The following ASB7 variants were observed in gnomAD, a reference collection of about 807,000 sequenced individuals.
ASB7 encodes ankyrin repeat and SOCS box containing 7.
In ASB7, 4 loss-of-function variants were observed where a neutral mutation model predicts 32.5. The ratio of observed to expected loss-of-function variants is 0.12; its 90% CI spans 0.06 to 0.28. The LOEUF (loss-of-function observed/expected upper bound fraction) is 0.28. Among genes scored for constraint, ASB7 ranks in the 10% least tolerant of loss-of-function variants. The pLI is 1.00. For synonymous variants in ASB7, 172 were observed against 155.6 expected, an observed-to-expected ratio of 1.11 and a Z score of -0.78; for missense variants, 181 against 407.1, an observed-to-expected ratio of 0.44 and a Z score of 4.78.
intron 3 of ASB7, 32 bp downstream of exon 3, chr15:100,609,860 G>A (rs1438181528): frequency 6.6e-6 from 1 of 152,212 alleles, no homozygotes; most frequent in Non-Finnish European, 1.5e-5. Context: ...GGTCATCTGT[G>A]TTGTTCCGGG....
chr15:100,612,156 C>T lies in ASB7; in HGVS notation c.-51-10C>T. 6.9e-7 allele frequency: 1 copy of T among 1,449,398 alleles called. No homozygotes were observed. The highest frequency in any genetic ancestry group is 1.2e-5 in the South Asian group (1 of 85,798). 89.8% of individuals were successfully genotyped at this position (1,449,398 alleles called of 1,614,324 possible). On this transcript the variant is annotated splice_polypyrimidine_tract_variant and intron_variant, in intron 3 of 5. Coordinates refer to ENST00000332783, the MANE Select transcript of ASB7 (RefSeq NM_198243.3). ...CTAAATTTTACCTTTTCTACCTTCT[C>T]TTCTTAAAGGCTGATCCCCGTAACC...
intron 5 of ASB7, among the ~76,000 whole-genome samples, chr15:100,631,480 C>A (rs1249576129): frequency 6.6e-6 from 1 of 152,162 alleles, no homozygotes; most frequent in Non-Finnish European, 1.5e-5. Context: ...AGACGTGATA[C>A]CCGCAGTGCT....
rs574298532 is a variant in ASB7, at chr15:100,610,465, A to G, written c.-52+637A>G. Among the ~76,000 whole-genome samples the G allele has an allele frequency of 1.7e-3, 263 of 151,424 alleles. 10 individuals are homozygous for G. Among genetic ancestry groups the G allele is most frequent in the Non-Finnish European group, 1.7e-3 (114 of 67,922 alleles). ...AGCTCAGATCGCGCCACTGCACTCC[A>G]ACCTGGGTGACAGAGCAAGACTCCG... On this transcript the variant is annotated intron_variant, in intron 3 of 5. Transcript: ENST00000332783.
intron 4 of ASB7, among the ~76,000 whole-genome samples, chr15:100,623,912 T>G (rs1293529079): frequency 6.6e-6 from 1 of 152,232 alleles, no homozygotes; most frequent in Non-Finnish European, 1.5e-5. Context: ...ACAGCACTAT[T>G]CACAATAGCA....
In ASB7 at chr15:100,612,862, G is replaced by A. The variant is rs1596999079; in HGVS notation, c.211+435G>A. ...AATGATACCCTATCCTTATCTTTTT[G>A]TTTCAGATGCTTTCCTTTGTTATTT... On this transcript the variant is annotated intron_variant, in intron 4 of 5. Coordinates refer to ENST00000332783, the MANE Select transcript of ASB7 (RefSeq NM_198243.3). Among the ~76,000 whole-genome samples the A allele has an allele frequency of 2.0e-5, 3 of 152,196 alleles. No individual in the cohort carries two copies. The East Asian group carries it at 5.8e-4, about 29-fold the overall frequency.
chr15:100,648,240 G>A, intron 5 of ASB7, 83 bp from the exon 6 acceptor site: 1 of 1,381,728 alleles, frequency 7.2e-7, no homozygotes. Context: ...AGAACTTCCA[G>A]GGAAATGAAC....
At chr15:100,610,578 A>G (rs1333477224) in intron 3 of ASB7, among the ~76,000 whole-genome samples, 2 of 152,204 alleles carry the variant, frequency 1.3e-5, no homozygotes. Context: ...ATATTTTTAA[A>G]TTTGAGCACT....
At chr15:100,647,963 G>C (rs1285026946) in intron 5 of ASB7, among the ~76,000 whole-genome samples, 1 of 152,206 alleles carries the variant, frequency 6.6e-6, no homozygotes, top group African/African-American at 2.4e-5. Flanking sequence ...TAGTCAGGAC[G>C]AGAACCAGAA....
chr15:100,618,987 G>T (rs2039768177), intron 4 of ASB7, among the ~76,000 whole-genome samples: 3 of 152,194 alleles, frequency 2.0e-5, no homozygotes, highest in Admixed American at 2.0e-4. Context: ...TTCATAAGCA[G>T]TGGAGCTGGG....
chr15:100,611,946 A>G, intron 3 of ASB7, among the ~76,000 whole-genome samples: 1 of 151,426 alleles, frequency 6.6e-6, no homozygotes, highest in East Asian at 1.9e-4. Flanking sequence ...CAGCCTCCCA[A>G]GTAGCTGGGA....
chr15:100,614,052 C>T (rs916012568), intron 4 of ASB7, among the ~76,000 whole-genome samples: 3 of 152,100 alleles, frequency 2.0e-5, no homozygotes, highest in Admixed American at 6.5e-5. Flanking sequence ...GTGAGTGGAT[C>T]GCCTGAGGTC....
intron 4 of ASB7, among the ~76,000 whole-genome samples, chr15:100,618,576 ACT>A (rs920015214): frequency 6.6e-6 from 1 of 150,916 alleles, no homozygotes; most frequent in South Asian, 2.1e-4. Context: ...TTGACTTTTC[ACT>A]CTCTCTTTTT....
At chr15:100,612,042 A>C (rs2039701108) in intron 3 of ASB7, 124 bp from the exon 4 acceptor site, 2 of 631,544 alleles carry the variant, frequency 3.2e-6, no homozygotes, top group Admixed American at 2.6e-5. Flanking sequence ...CCCAGCTAGT[A>C]GTATGCACTG....
intron 5 of ASB7, among the ~76,000 whole-genome samples, chr15:100,632,668 G>C (rs751003456): frequency 1.1e-4 from 17 of 152,130 alleles, no homozygotes; most frequent in Non-Finnish European, 2.2e-4. Flanking sequence ...GCAGACTGCC[G>C]AGGTATAAGG....
intron 2 of ASB7, among the ~76,000 whole-genome samples, chr15:100,609,135 G>C (rs989920127): frequency 1.3e-5 from 2 of 152,196 alleles, no homozygotes; most frequent in Admixed American, 1.3e-4. Flanking sequence ...TGGCAAGGCT[G>C]TTGTTAATGT....
chr15:100,611,333 C>T (rs939149557), intron 3 of ASB7, among the ~76,000 whole-genome samples: 1 of 151,932 alleles, frequency 6.6e-6, no homozygotes, highest in Non-Finnish European at 1.5e-5. Context: ...GGATTACAAA[C>T]GTGAGCCACT....
intron 2 of ASB7, among the ~76,000 whole-genome samples, chr15:100,607,728 A>T (rs768573891): frequency 1.7e-4 from 26 of 152,196 alleles, no homozygotes; most frequent in Non-Finnish European, 3.8e-4. Context: ...CCTGTGGCCA[A>T]ACCCTATCAC....
At chr15:100,631,834 TAATTG>T (rs2039885463) in intron 5 of ASB7, among the ~76,000 whole-genome samples, 1 of 152,200 alleles carries the variant, frequency 6.6e-6, no homozygotes, top group Non-Finnish European at 1.5e-5. Flanking sequence ...TTGTTCTTTG[TAATTG>T]TTTTTCAAGG....
intron 4 of ASB7, among the ~76,000 whole-genome samples, chr15:100,623,589 G>A (rs556381485): frequency 6.6e-6 from 1 of 152,314 alleles, no homozygotes; most frequent in African/African-American, 2.4e-5. Context: ...AATAACAGAT[G>A]CCAGCAAAGA....
Sources: gnomAD v4.1 joint callset for allele counts (sites outside exome capture counted in the v4.1 genomes callset) on GRCh38, gnomAD v4.1.1 for gene constraint, MANE v1.5 for transcripts, NCBI Gene and HGNC (gene_info 2026-07-23, HGNC 2026-07-21) for gene names.